NAALADL2: variants seen among roughly 807,000 people sequenced by gnomAD.
NAALADL2 encodes inactive N-acetylated-alpha-linked acidic dipeptidase-like protein 2.
A neutral mutation model predicts 87.2 loss-of-function variants in NAALADL2; 76 were observed. That is an observed-to-expected ratio of 0.87 (90% CI 0.72 to 1.05). The LOEUF (loss-of-function observed/expected upper bound fraction) is 1.05, where lower values mean the gene tolerates loss of function less well. Ranked by LOEUF, NAALADL2 falls within the 50% of genes least tolerant of loss-of-function variation. The pLI is 0.00. For missense variants in NAALADL2, 1,089 were observed against 945.8 expected, an observed-to-expected ratio of 1.15 and a Z score of -1.99; for synonymous variants, 354 against 331.0, an observed-to-expected ratio of 1.07 and a Z score of -0.75.
intron 13 of NAALADL2, among the ~76,000 whole-genome samples, chr3:175,769,489 C>A (rs1031766430): frequency 6.6e-6 from 1 of 152,080 alleles, no homozygotes; most frequent in Non-Finnish European, 1.5e-5. Context: ...ATTTTCAGGG[C>A]CTTTAATATC....
chr3:175,308,450 T>C (rs1439240815), intron 4 of NAALADL2, among the ~76,000 whole-genome samples: 1 of 152,176 alleles, frequency 6.6e-6, no homozygotes, highest in African/African-American at 2.4e-5. Flanking sequence ...GGCAGGGGAC[T>C]GGCGGTAGAT....
chr3:175,046,342 C>A (rs1463785593), intron 1 of NAALADL2, among the ~76,000 whole-genome samples: 1 of 152,084 alleles, frequency 6.6e-6, no homozygotes, highest in Non-Finnish European at 1.5e-5. Flanking sequence ...TTTTGACTAT[C>A]AGGGATTTAT....
At chr3:175,712,757 G>A (rs1740704121) in intron 11 of NAALADL2, among the ~76,000 whole-genome samples, 1 of 152,040 alleles carries the variant, frequency 6.6e-6, no homozygotes, top group African/African-American at 2.4e-5. Flanking sequence ...CTCCAAAACT[G>A]TTAGAAATAG....
chr3:175,349,207 T>TAAA (rs577690261), intron 5 of NAALADL2, among the ~76,000 whole-genome samples: 49,250 of 135,590 alleles, frequency 0.36, 10,126 homozygotes, highest in Non-Finnish European at 0.46. Flanking sequence ...CAACTGCTAT[T>TAAA]AAAAAAAAAA....
chr3:174,804,295 G>T (rs1379994355), intron 3 of NAALADL2, among the ~76,000 whole-genome samples: 2 of 152,262 alleles, frequency 1.3e-5, no homozygotes, highest in East Asian at 3.9e-4. Flanking sequence ...AGGAATGCTT[G>T]TGATTTTTGC....
intron 12 of NAALADL2, among the ~76,000 whole-genome samples, chr3:175,742,685 C>G (rs1745404897): frequency 6.6e-6 from 1 of 152,170 alleles, no homozygotes; most frequent in South Asian, 2.1e-4. Flanking sequence ...GCGTGAGCCA[C>G]CGCGCCCGGC....
chr3:175,552,431 A>G (rs1336849038), intron 9 of NAALADL2, among the ~76,000 whole-genome samples: 1 of 152,206 alleles, frequency 6.6e-6, no homozygotes, highest in African/African-American at 2.4e-5. Flanking sequence ...AATTCTGCCT[A>G]TTAAACTATT....
At position 175,176,090 on chromosome 3, in the gene NAALADL2, T is replaced by C. The variant is rs13067590; in HGVS notation, c.546-57841T>C. The stretch of plus-strand genomic sequence containing the variant: ...CATCAGGAACCGGTTTATTTGAATG[T>C]GTGCATTTCATACTGAATGATTTTT... On this transcript the variant is annotated intron_variant, in intron 2 of 13. Transcript: ENST00000454872. 7.9e-3 allele frequency among the ~76,000 whole-genome samples: 1,202 copies of C among 152,268 alleles called. 4 individuals are homozygous for C. Among genetic ancestry groups the C allele is most frequent in the South Asian group, 0.031 (151 of 4,832 alleles).
At chr3:174,748,375 G>A (rs981662343) in intron 3 of NAALADL2, among the ~76,000 whole-genome samples, 1 of 150,120 alleles carries the variant, frequency 6.7e-6, no homozygotes, top group African/African-American at 2.5e-5. Context: ...GCCCCTAGAA[G>A]CTAGAAAGTC....
chr3:175,649,497 T>G (rs1730454383), intron 11 of NAALADL2, among the ~76,000 whole-genome samples: 1 of 151,822 alleles, frequency 6.6e-6, no homozygotes, highest in Non-Finnish European at 1.5e-5. Context: ...TTAGGCAATA[T>G]AAATTAGTTT....
intron 4 of NAALADL2, among the ~76,000 whole-genome samples, chr3:175,285,582 G>T (rs1408130615): frequency 6.6e-6 from 1 of 152,096 alleles, no homozygotes; most frequent in East Asian, 1.9e-4. Flanking sequence ...GCTAAGAAAA[G>T]AAATAATAAT....
intron 4 of NAALADL2, among the ~76,000 whole-genome samples, chr3:175,316,469 G>A (rs192852211): frequency 3.9e-5 from 6 of 152,290 alleles, no homozygotes; most frequent in Admixed American, 3.9e-4. Context: ...TTATTTGAGA[G>A]AGATAAGTCA....
At chr3:175,002,377 G>C (rs1342071717) in intron 1 of NAALADL2, among the ~76,000 whole-genome samples, 5 of 152,094 alleles carry the variant, frequency 3.3e-5, no homozygotes, top group African/African-American at 1.2e-4. Flanking sequence ...AAAGCAAAAG[G>C]ATGAACCGTT....
intron 4 of NAALADL2, among the ~76,000 whole-genome samples, chr3:175,262,569 TGTGTGA>T (rs1476802934): frequency 4.6e-5 from 4 of 87,540 alleles, no homozygotes; most frequent in Non-Finnish European, 9.2e-5. Context: ...ATATTCATGT[TGTGTGA>T]GTGTGTGTGT....
chr3:175,013,192 A>ACATATT (rs1560475609), intron 1 of NAALADL2, among the ~76,000 whole-genome samples: 4 of 65,930 alleles, frequency 6.1e-5, no homozygotes, highest in African/African-American at 3.1e-4. Flanking sequence ...ATATAAATAT[A>ACATATT]TATACATAAA....
intron 9 of NAALADL2, among the ~76,000 whole-genome samples, chr3:175,507,905 GA>G (rs934819170): frequency 2.1e-4 from 32 of 152,170 alleles, no homozygotes; most frequent in Admixed American, 1.8e-3. Context: ...TTGATATAAA[GA>G]AATACCTGAG....
At chr3:175,489,790 CT>C (rs1267568252) in intron 9 of NAALADL2, among the ~76,000 whole-genome samples, 1 of 152,154 alleles carries the variant, frequency 6.6e-6, no homozygotes, top group Non-Finnish European at 1.5e-5. Flanking sequence ...TCTTTTGAGT[CT>C]TCTACTCCAA....
At chr3:174,810,279 A>G (rs769851184) in intron 3 of NAALADL2, among the ~76,000 whole-genome samples, 1 of 152,118 alleles carries the variant, frequency 6.6e-6, no homozygotes, top group Non-Finnish European at 1.5e-5. Context: ...GTCTCAGAAG[A>G]CAAGAAGATA....
intron 1 of NAALADL2, among the ~76,000 whole-genome samples, chr3:175,071,769 C>T (rs1025924619): frequency 2.0e-5 from 3 of 150,126 alleles, no homozygotes; most frequent in Non-Finnish European, 3.0e-5. Flanking sequence ...ATGAGAGAAG[C>T]AGAAACAAAG....
Sources: allele counts gnomAD v4.1 joint callset (sites outside exome capture counted in the v4.1 genomes callset), GRCh38; gene constraint gnomAD v4.1.1; transcripts MANE v1.5; gene names NCBI Gene and HGNC (gene_info 2026-07-23, HGNC 2026-07-21).